The following PTPN1 variants were observed in gnomAD, a reference collection of about 807,000 sequenced individuals.
PTPN1 encodes the protein protein tyrosine phosphatase non-receptor type 1, also known as tyrosine-protein phosphatase non-receptor type 1.
PTPN1 carries 12 observed loss-of-function variants against 59.9 expected under a neutral mutation model. That is an observed-to-expected ratio of 0.20 (90% CI 0.13 to 0.32). The LOEUF (loss-of-function observed/expected upper bound fraction) is 0.32. PTPN1 is among the 10% of genes least tolerant of loss of function. The pLI is 1.00. For synonymous variants in PTPN1, 178 were observed against 203.6 expected, an observed-to-expected ratio of 0.87 and a Z score of 1.07; for missense variants, 356 against 549.2, an observed-to-expected ratio of 0.65 and a Z score of 3.52.
At chr20:50,516,712 A>T (rs768975494) in intron 1 of PTPN1, among the ~76,000 whole-genome samples, 3 of 152,210 alleles carry the variant, frequency 2.0e-5, no homozygotes, top group African/African-American at 7.2e-5. Context: ...CCTGACACGT[A>T]CGCTATGCTT....
intron 1 of PTPN1, among the ~76,000 whole-genome samples, chr20:50,551,899 C>T (rs1294630618): frequency 2.6e-5 from 4 of 152,086 alleles, no homozygotes; most frequent in Non-Finnish European, 5.9e-5. Context: ...TCATCTTAAT[C>T]GGTTTTAAAG....
intron 3 of PTPN1, among the ~76,000 whole-genome samples, chr20:50,567,594 C>G (rs2082785063): frequency 6.6e-6 from 1 of 152,118 alleles, no homozygotes; most frequent in African/African-American, 2.4e-5. Context: ...GCATTCATAC[C>G]CTGTGTCCAG....
intron 1 of PTPN1, among the ~76,000 whole-genome samples, chr20:50,559,258 C>T (rs983040582): frequency 2.0e-5 from 3 of 152,068 alleles, no homozygotes; most frequent in Non-Finnish European, 4.4e-5. Context: ...GTCTTGAACT[C>T]CTACTTCAGG....
chr20:50,530,408 G>A (rs1445062659), intron 1 of PTPN1, among the ~76,000 whole-genome samples: 1 of 152,034 alleles, frequency 6.6e-6, no homozygotes, highest in Non-Finnish European at 1.5e-5. Context: ...CCAGGCTGGA[G>A]TATGGTGGCG....
At chr20:50,519,628 C>T (rs2082542605) in intron 1 of PTPN1, among the ~76,000 whole-genome samples, 1 of 152,174 alleles carries the variant, frequency 6.6e-6, no homozygotes, top group Admixed American at 6.5e-5. Context: ...ACCCTTCTAA[C>T]CACTTAAGAA....
chr20:50,546,881 T>G (rs2122758668), intron 1 of PTPN1, among the ~76,000 whole-genome samples: 1 of 152,330 alleles, frequency 6.6e-6, no homozygotes, highest in East Asian at 1.9e-4. Context: ...GTGTCCTTAG[T>G]CAACTGTACC....
At position 50,538,643 on chromosome 20, in the gene PTPN1, G is replaced by T. The variant is rs183330732; in HGVS notation, c.64-22720G>T. Among the ~76,000 whole-genome samples, 397 of 152,308 alleles carry T rather than the reference G, an allele frequency of 2.6e-3. 3 individuals are homozygous for T. The highest frequency in any genetic ancestry group is 0.011 in the South Asian group (51 of 4,824). On this transcript the variant is annotated intron_variant, in intron 1 of 9. Coordinates refer to ENST00000371621, the MANE Select transcript of PTPN1 (RefSeq NM_002827.4). ...ACATGTTATTTGTATAATATGAGAA[G>T]AAATTTTATAAATCATTAAATCTTT...
chr20:50,525,717 A>C (rs2082571920), intron 1 of PTPN1, among the ~76,000 whole-genome samples: 1 of 152,132 alleles, frequency 6.6e-6, no homozygotes, highest in Non-Finnish European at 1.5e-5. Flanking sequence ...ACAAAGGAGA[A>C]TAAAAAGGTA....
intron 1 of PTPN1, among the ~76,000 whole-genome samples, chr20:50,558,789 A>G (rs2082736998): frequency 6.6e-6 from 1 of 152,118 alleles, no homozygotes; most frequent in Non-Finnish European, 1.5e-5. Flanking sequence ...ATACTCCTCC[A>G]ATCCAGCCTG....
At chr20:50,518,583 A>AT (rs535467248) in intron 1 of PTPN1, among the ~76,000 whole-genome samples, 7 of 151,058 alleles carry the variant, frequency 4.6e-5, no homozygotes, top group East Asian at 1.9e-4. Context: ...TACCCAGTGA[A>AT]TTTTTTTTTC....
chr20:50,556,379 G>A (rs544300305), intron 1 of PTPN1, among the ~76,000 whole-genome samples: 5 of 152,042 alleles, frequency 3.3e-5, no homozygotes, highest in South Asian at 2.1e-4. Context: ...TTGTAGAGAC[G>A]AGGCATCATT....
chr20:50,511,551 G>A (rs1422940826), intron 1 of PTPN1, among the ~76,000 whole-genome samples: 1 of 152,190 alleles, frequency 6.6e-6, no homozygotes, highest in Non-Finnish European at 1.5e-5. Context: ...TCCTCAATGA[G>A]CAGCTTAGTC....
At chr20:50,527,431 C>T (rs896655164) in intron 1 of PTPN1, among the ~76,000 whole-genome samples, 1 of 152,120 alleles carries the variant, frequency 6.6e-6, no homozygotes, top group Non-Finnish European at 1.5e-5. Flanking sequence ...GCAACCTCTG[C>T]CTCCCGGCTT....
intron 1 of PTPN1, among the ~76,000 whole-genome samples, chr20:50,513,493 G>A (rs975949002): frequency 2.0e-5 from 3 of 152,102 alleles, no homozygotes; most frequent in Non-Finnish European, 2.9e-5. Context: ...TTGTTTTCTC[G>A]TCTGTAAATT....
chr20:50,510,506 G>T lies in PTPN1; in HGVS notation c.-22G>T, dbSNP rs1224772546. 1.9e-6 allele frequency: 3 copies of T among 1,548,492 alleles called. No individual in the cohort carries two copies. Among genetic ancestry groups the T allele is most frequent in the African/African-American group, 2.7e-5 (2 of 72,922 alleles). ...CGGCGCAGTGGGCCGAGAAGGAGGC[G>T]CAGCAGCCGCCCTGGCCCGTCATGG... is the stretch of plus-strand genomic sequence containing the variant. On this transcript the variant is annotated 5_prime_UTR_variant, in exon 1 of 10. Coordinates refer to ENST00000371621, the MANE Select transcript of PTPN1 (RefSeq NM_002827.4).
intron 1 of PTPN1, among the ~76,000 whole-genome samples, chr20:50,526,830 C>A (rs143539841): frequency 1.3e-5 from 2 of 152,224 alleles, no homozygotes; most frequent in Non-Finnish European, 2.9e-5. Context: ...TTCTTACCTA[C>A]CACCTCTAGC....
chr20:50,578,895 A>T (rs899349808), intron 6 of PTPN1, among the ~76,000 whole-genome samples: 1 of 152,198 alleles, frequency 6.6e-6, no homozygotes, highest in South Asian at 2.1e-4. Context: ...GCTTCCAGTC[A>T]TGGTGGAAGG....
Position 50,579,694 on chromosome 20 carries a change from T to C in PTPN1, c.865-9T>C. ...CACTAATAGGACTTCCTCTTGCTGC[T>C]CTTTCAAGGATCAGTGGAAGGAGCT... On this transcript the variant is annotated splice_polypyrimidine_tract_variant and intron_variant, in intron 7 of 9. Transcript: ENST00000371621. 6.2e-7 allele frequency: 1 copy of C among 1,608,548 alleles called. No individual in the cohort carries two copies. Among genetic ancestry groups the C allele is most frequent in the Non-Finnish European group, 8.5e-7 (1 of 1,176,698 alleles).
intron 8 of PTPN1, among the ~76,000 whole-genome samples, chr20:50,580,965 C>T (rs934140300): frequency 2.0e-5 from 3 of 152,158 alleles, no homozygotes; most frequent in African/African-American, 7.2e-5. Flanking sequence ...ACCAGTGAGT[C>T]CTCCAGCCAG....
Sources: gnomAD v4.1 joint callset for allele counts (sites outside exome capture counted in the v4.1 genomes callset) on GRCh38, gnomAD v4.1.1 for gene constraint, MANE v1.5 for transcripts, NCBI Gene and HGNC (gene_info 2026-07-23, HGNC 2026-07-21) for gene names.